Variants in DENND2B observed in about 807,000 individuals in gnomAD.
DENND2B encodes the protein DENN domain containing 2B, also known as DENN domain-containing protein 2B.
A neutral mutation model predicts 116.0 loss-of-function variants in DENND2B; 32 were observed. The observed-to-expected ratio is 0.28, with a 90% CI of 0.21 to 0.37. The LOEUF is 0.37. Among genes scored for constraint, DENND2B ranks in the 10% least tolerant of loss-of-function variants. The probability of loss-of-function intolerance (pLI) is 1.00; values close to 1 mark genes in which losing one functional copy is unlikely to be tolerated. For missense variants in DENND2B, 1,276 were observed against 1,477.7 expected (o/e 0.86, Z 2.24); for synonymous variants, 588 against 583.9 (o/e 1.01, Z -0.10).
intron 1 of DENND2B, chr11:8,895,490 G>A (rs1216998598): frequency 1.3e-5 from 2 of 152,120 alleles, no homozygotes; most frequent in Non-Finnish European, 2.9e-5. Flanking sequence ...AGCCAGTCAC[G>A]AGAAGAAAAA....
chr11:8,718,503 G>C (rs750520855), intron 4 of DENND2B: 114 of 1,461,268 alleles, frequency 7.8e-5, no homozygotes, highest in Non-Finnish European at 1.0e-4. Flanking sequence ...ACGGAACAGT[G>C]ATTAGCAAGG....
intron 1 of DENND2B, among the ~76,000 whole-genome samples, chr11:8,788,807 C>CT (rs1166866042): frequency 2.0e-5 from 3 of 152,208 alleles, no homozygotes; most frequent in Non-Finnish European, 4.4e-5. Flanking sequence ...CCCTTCCTGT[C>CT]TATCTTTTGA....
chr11:8,717,604 T>C (rs2045153817), intron 5 of DENND2B, 137 bp downstream of exon 5: 2 of 1,027,718 alleles, frequency 1.9e-6, no homozygotes, highest in East Asian at 2.8e-5. Context: ...ACGTTCAGGG[T>C]GGTATGGCCG....
At chr11:8,739,917 G>A (rs2049892785) in intron 2 of DENND2B, among the ~76,000 whole-genome samples, 2 of 152,200 alleles carry the variant, frequency 1.3e-5, no homozygotes, top group Admixed American at 1.3e-4. Flanking sequence ...CAGACATGGT[G>A]GCTCATGCCT....
At chr11:8,796,922 A>C (rs1052180356) in intron 1 of DENND2B, among the ~76,000 whole-genome samples, 17 of 152,170 alleles carry the variant, frequency 1.1e-4, no homozygotes, top group Non-Finnish European at 2.2e-4. Flanking sequence ...CTCAGTATTT[A>C]ACCAGGTACC....
rs187737588 is a variant in DENND2B, at chr11:8,819,847, C to T, written c.-114-8512G>A. Among the ~76,000 whole-genome samples, 454 of 152,276 alleles carry T rather than the reference C, an allele frequency of 3.0e-3. 1 individual carries two copies. Among genetic ancestry groups the T allele is most frequent in the Non-Finnish European group, 4.0e-3 (274 of 68,010 alleles). ...GATCCTGGAATAGAAAAAGGAGTTT[C>T]GTAAGAAAAACTGGTGAAATCCCAG... is the stretch of plus-strand genomic sequence containing the variant. On this transcript the variant is annotated intron_variant, in intron 4 of 6. Coordinates refer to the DENND2B transcript ENST00000524757.
chr11:8,889,748 C>T (rs1333216511), intron 1 of DENND2B, among the ~76,000 whole-genome samples: 1 of 152,186 alleles, frequency 6.6e-6, no homozygotes, highest in East Asian at 1.9e-4. Context: ...GGCCAGGAAG[C>T]TCAAACTGGG....
chr11:8,729,956 T>G lies in DENND2B; in HGVS notation c.1334A>C (p.Gln445Pro). ...KKDMRGHRKS[Q>P]SRKSFEFEDA... ...CCGGAGGGGCATGCATTACCTGCTC[T>G]GGGACTTGCGGTGACCACGCATGTC... The change falls in exon 3 of 20, where the codon CAG (glutamine) becomes CCG (proline). Residue 445 changes from glutamine to proline, a missense_variant. This residue lies in a region of DENND2B where 856 missense variants were observed against 846.6 expected (regional missense o/e 1.01). Transcript: ENST00000313726. 6.2e-7 allele frequency: 1 copy of G among 1,614,068 alleles called. No homozygotes were observed. The highest frequency in any genetic ancestry group is 8.5e-7 in the Non-Finnish European group (1 of 1,179,948).
At chr11:8,892,064 A>G (rs940454484) in intron 1 of DENND2B, among the ~76,000 whole-genome samples, 16 of 152,232 alleles carry the variant, frequency 1.1e-4, no homozygotes, top group Non-Finnish European at 1.5e-4. Flanking sequence ...GAGCAATCAA[A>G]CTACAACTCA....
At chr11:8,774,729 G>C (rs896853139) in intron 1 of DENND2B, among the ~76,000 whole-genome samples, 1 of 152,112 alleles carries the variant, frequency 6.6e-6, no homozygotes, top group African/African-American at 2.4e-5. Context: ...GTTGCCCCCA[G>C]GCCCTGAAGC....
intron 3 of DENND2B, among the ~76,000 whole-genome samples, chr11:8,848,708 T>A (rs935605115): frequency 3.9e-5 from 6 of 152,224 alleles, no homozygotes; most frequent in African/African-American, 1.4e-4. Context: ...TAAGAATATA[T>A]GGAGTTCATT....
chr11:8,804,817 T>G (rs1452738542), intron 1 of DENND2B, among the ~76,000 whole-genome samples: 2 of 152,122 alleles, frequency 1.3e-5, no homozygotes, highest in Admixed American at 6.6e-5. Context: ...GCGCTGGGAT[T>G]ACAGACGTGA....
At chr11:8,786,329 A>C (rs534424375) in intron 1 of DENND2B, among the ~76,000 whole-genome samples, 1 of 151,850 alleles carries the variant, frequency 6.6e-6, no homozygotes, top group Admixed American at 6.5e-5. Flanking sequence ...ACAAGAAAAA[A>C]ATAAATAAAT....
Position 8,731,181 on chromosome 11 carries a change from G to C in DENND2B, c.109C>G (p.Leu37Val). The change falls in exon 3 of 20, where the codon CTC (leucine) becomes GTC (valine). Residue 37 changes from leucine to valine, a missense_variant. Around this residue, in one of 2 missense-constraint regions of DENND2B, gnomAD observed 856 missense variants for 846.6 expected, o/e 1.01. Coordinates refer to ENST00000313726, the MANE Select transcript of DENND2B (RefSeq NM_213618.2). ...RSQSVSPPPV[L>V]SPPRSPIYPL... ...TAGATGGGACTCCTTGGTGGGGAGA[G>C]AACTGGAGGTGGAGAGACTGACTGA... 1 of 1,524,630 alleles carries C rather than the reference G, an allele frequency of 6.6e-7. No individual in the cohort carries two copies. The highest frequency in any genetic ancestry group is 1.4e-5 in the African/African-American group (1 of 72,158). 94.4% of individuals were successfully genotyped at this position (1,524,630 alleles called of 1,614,324 possible).
At chr11:8,778,787 C>G (rs1453759644) in intron 1 of DENND2B, among the ~76,000 whole-genome samples, 1 of 152,190 alleles carries the variant, frequency 6.6e-6, no homozygotes, top group African/African-American at 2.4e-5. Flanking sequence ...CTGTCACCTG[C>G]CTAAATGCTG....
intron 4 of DENND2B, among the ~76,000 whole-genome samples, chr11:8,838,994 A>T (rs1444270332): frequency 6.6e-6 from 1 of 152,250 alleles, no homozygotes; most frequent in Non-Finnish European, 1.5e-5. Flanking sequence ...CCCAGCACCA[A>T]GGTCTGAACT....
chr11:8,854,017 T>TC (rs2063108871), intron 3 of DENND2B, among the ~76,000 whole-genome samples: 1 of 18,814 alleles, frequency 5.3e-5, no homozygotes, highest in South Asian at 3.2e-3. Flanking sequence ...CCCCAGTTAA[T>TC]TTTTTTTTTT....
At chr11:8,845,823 T>G (rs1008741663) in intron 3 of DENND2B, among the ~76,000 whole-genome samples, 1 of 152,216 alleles carries the variant, frequency 6.6e-6, no homozygotes, top group Non-Finnish European at 1.5e-5. Context: ...AAAATTAACA[T>G]TAAATTATGT....
At chr11:8,743,915 T>A (rs1029182349) in intron 2 of DENND2B, among the ~76,000 whole-genome samples, 4 of 150,238 alleles carry the variant, frequency 2.7e-5, no homozygotes, top group African/African-American at 9.8e-5. Context: ...CCTGATTAAT[T>A]TTTTTTTTGT....
Sources: gnomAD v4.1 joint callset for allele counts (sites outside exome capture counted in the v4.1 genomes callset) on GRCh38, gnomAD v4.1.1 for gene constraint, gnomAD v4.1.1 regional missense constraint, MANE v1.5 for transcripts, NCBI Gene and HGNC (gene_info 2026-07-23, HGNC 2026-07-21) for gene names.